The following RTN4RL1 variants were observed in gnomAD, a reference collection of about 807,000 sequenced individuals.
The protein encoded by RTN4RL1 is reticulon 4 receptor like 1, also known as reticulon-4 receptor-like 1.
Under a neutral mutation model 25.6 loss-of-function variants are expected in RTN4RL1, and 7 were observed. That is an observed-to-expected ratio of 0.27 (90% CI 0.16 to 0.51). The LOEUF is 0.51. Ranked by LOEUF, RTN4RL1 falls within the 20% of genes least tolerant of loss-of-function variation. The pLI, the probability that RTN4RL1 is intolerant of heterozygous loss-of-function variation, is 0.97. For synonymous variants in RTN4RL1, 297 were observed against 288.2 expected, an observed-to-expected ratio of 1.03 and a Z score of -0.31; for missense variants, 500 against 615.6, an observed-to-expected ratio of 0.81 and a Z score of 1.99.
chr17:2,004,360 T>C (rs1597238505), intron 1 of RTN4RL1, among the ~76,000 whole-genome samples: 2 of 118,544 alleles, frequency 1.7e-5, no homozygotes, highest in African/African-American at 3.4e-5. Context: ...AGAGCGAGAC[T>C]CTGTCTCAAA....
chr17:2,004,120 G>A (rs2066977299), intron 1 of RTN4RL1, among the ~76,000 whole-genome samples: 1 of 151,582 alleles, frequency 6.6e-6, no homozygotes, highest in Non-Finnish European at 1.5e-5. Context: ...TGTAATCCCA[G>A]CACTTTGGGA....
intron 1 of RTN4RL1, among the ~76,000 whole-genome samples, chr17:1,986,641 G>A (rs145888306): frequency 6.6e-6 from 1 of 151,954 alleles, no homozygotes; most frequent in Non-Finnish European, 1.5e-5. Context: ...GAGCCTTCGT[G>A]GGGTGCACAG....
In RTN4RL1 at chr17:1,936,600, T is replaced by A. The variant is rs1366554333; in HGVS notation, c.1222A>T (p.Thr408Ser). ...PKRKGKCARR[T>S]PIRAPSGVQQ... ...ACCCCGCTGGGGGCACGGATGGGGG[T>A]CCTGCGGGCACACTTGCCCTTCCTC... The change falls in exon 2 of 2, where the codon ACC becomes TCC. Residue 408 changes from threonine to serine, a missense_variant. By Grantham distance (58) the Thr-to-Ser change is moderately conservative. Coordinates refer to ENST00000331238, the MANE Select transcript of RTN4RL1 (RefSeq NM_178568.4). 6.3e-7 allele frequency: 1 copy of A among 1,584,514 alleles called. No individual in the cohort carries two copies. Among genetic ancestry groups the A allele is most frequent in the South Asian group, 1.1e-5 (1 of 87,008 alleles).
At chr17:1,970,769 A>T (rs1189644291) in intron 1 of RTN4RL1, among the ~76,000 whole-genome samples, 1 of 152,136 alleles carries the variant, frequency 6.6e-6, no homozygotes, top group Non-Finnish European at 1.5e-5. Flanking sequence ...CCAGGCTCCT[A>T]CCACCCTGTT....
At chr17:1,973,978 G>T (rs2066831414) in intron 1 of RTN4RL1, among the ~76,000 whole-genome samples, 2 of 146,466 alleles carry the variant, frequency 1.4e-5, no homozygotes, top group African/African-American at 5.1e-5. Context: ...AGCGGAGATT[G>T]CAGTGAGCCG....
In RTN4RL1 at chr17:1,991,458, A is replaced by C. The variant is rs993800621; in HGVS notation, c.13+33395T>G. Among the ~76,000 whole-genome samples the C allele has an allele frequency of 3.3e-4, 48 of 146,188 alleles. 1 individual carries two copies. Among genetic ancestry groups the C allele is most frequent in the African/African-American group, 8.4e-4 (33 of 39,160 alleles). On this transcript the variant is annotated intron_variant, in intron 1 of 1. Coordinates refer to ENST00000331238, the MANE Select transcript of RTN4RL1 (RefSeq NM_178568.4). ...TACATGCACATAGTAAAAAAAAAAA[A>C]AAAAACAAAAAAAAACTTCAAAGAA...
rs551967635 is a variant in RTN4RL1 at position 1,954,508 on chromosome 17, C to T, written c.14-16700G>A. On this transcript the variant is annotated intron_variant, in intron 1 of 1. Transcript: ENST00000331238. Reference sequence around the variant, plus strand: ...GGTTCAAGTCATCTCCTGCCTCAGCCTCCCAAGTAGCTGGGATTACAGGTG... The same window carrying T: ...GGTTCAAGTCATCTCCTGCCTCAGCTTCCCAAGTAGCTGGGATTACAGGTG... Among the ~76,000 whole-genome samples the T allele has an allele frequency of 3.0e-4, 45 of 152,090 alleles. No homozygotes were observed. In the East Asian group the frequency reaches 7.6e-3, roughly 26 times the overall value.
rs148797283 is a variant in RTN4RL1, at chr17:1,938,977, C to T, written c.14-1169G>A. Among the ~76,000 whole-genome samples the T allele has an allele frequency of 8.1e-4, 123 of 151,482 alleles. 1 individual carries two copies. The highest frequency in any genetic ancestry group is 6.7e-3 in the East Asian group (34 of 5,080). The stretch of plus-strand genomic sequence containing the variant: ...AGGAGAATCGTTTGAACCTGGGAGG[C>T]GGAGGTTGCAGTGAGCTGAGATTGC... On this transcript the variant is annotated intron_variant, in intron 1 of 1. Coordinates refer to ENST00000331238, the MANE Select transcript of RTN4RL1 (RefSeq NM_178568.4).
chr17:2,005,519 G>A (rs1476411886), intron 1 of RTN4RL1, among the ~76,000 whole-genome samples: 1 of 152,218 alleles, frequency 6.6e-6, no homozygotes, highest in East Asian at 1.9e-4. Flanking sequence ...CCTTTCCTCT[G>A]ATGAGGAGGA....
intron 1 of RTN4RL1, among the ~76,000 whole-genome samples, chr17:1,940,094 G>A (rs1296175468): frequency 6.6e-6 from 1 of 152,170 alleles, no homozygotes; most frequent in African/African-American, 2.4e-5. Context: ...TCACCCCCTC[G>A]TTCCTGGCAG....
chr17:2,006,783 G>A (rs2066999325), intron 1 of RTN4RL1, among the ~76,000 whole-genome samples: 1 of 152,154 alleles, frequency 6.6e-6, no homozygotes, highest in Non-Finnish European at 1.5e-5. Context: ...ATGATGCCTG[G>A]CTAATTTTTG....
intron 1 of RTN4RL1, among the ~76,000 whole-genome samples, chr17:1,978,340 C>T (rs2066852330): frequency 6.6e-6 from 1 of 152,260 alleles, no homozygotes; most frequent in African/African-American, 2.4e-5. Flanking sequence ...GGACGGGAGG[C>T]ACCTCCCTCT....
rs1915276019 is a variant in RTN4RL1, at chr17:1,935,483, C to A, written c.*1013G>T. On this transcript the variant is annotated 3_prime_UTR_variant, in exon 2 of 2. Transcript: ENST00000331238. Reference sequence around the variant, plus strand: ...CCCAAAGTGACTCTTGCTGCCTCCCCCTTCCTCACCGTCCCGCCGACACCT... The same window carrying A: ...CCCAAAGTGACTCTTGCTGCCTCCCACTTCCTCACCGTCCCGCCGACACCT... 6 of 934,036 alleles carry A rather than the reference C, an allele frequency of 6.4e-6. No homozygotes were observed. The highest frequency in any genetic ancestry group is 7.7e-6 in the Non-Finnish European group (6 of 782,902). 57.9% of individuals were successfully genotyped at this position (934,036 alleles called of 1,614,324 possible).
chr17:1,962,884 G>A (rs1360847121), intron 1 of RTN4RL1, among the ~76,000 whole-genome samples: 7 of 143,230 alleles, frequency 4.9e-5, no homozygotes, highest in African/African-American at 1.5e-4. Flanking sequence ...AAAAAAAAGA[G>A]ATGTGGGAAG....
At chr17:2,019,815 A>C (rs562228662) in intron 1 of RTN4RL1, 11 of 152,354 alleles carry the variant, frequency 7.2e-5, no homozygotes, top group African/African-American at 2.6e-4. Context: ...TAGAAAATGG[A>C]CCTGAACACT....
At chr17:2,014,912 G>T (rs1168999372) in intron 1 of RTN4RL1, among the ~76,000 whole-genome samples, 1 of 152,118 alleles carries the variant, frequency 6.6e-6, no homozygotes, top group Non-Finnish European at 1.5e-5. Flanking sequence ...TCAAAGCAGT[G>T]GGGAGAAAGA....
At chr17:1,961,804 A>ACG (rs2066763441) in intron 1 of RTN4RL1, among the ~76,000 whole-genome samples, 1 of 135,202 alleles carries the variant, frequency 7.4e-6, no homozygotes, top group African/African-American at 2.7e-5. Context: ...AAAAATTAGC[A>ACG]GGGCGTGGTG....
chr17:2,002,534 C>T (rs1046960144), intron 1 of RTN4RL1, among the ~76,000 whole-genome samples: 7 of 151,558 alleles, frequency 4.6e-5, no homozygotes, highest in African/African-American at 7.3e-5. Context: ...CCTCGTGATC[C>T]GCCCACCTCG....
intron 1 of RTN4RL1, among the ~76,000 whole-genome samples, chr17:1,966,396 C>G (rs987472814): frequency 2.6e-5 from 4 of 152,130 alleles, no homozygotes; most frequent in African/African-American, 9.7e-5. Flanking sequence ...GCTGGGCAGG[C>G]AGAAGATGCT....
Sources: gnomAD v4.1 joint callset for allele counts (sites outside exome capture counted in the v4.1 genomes callset) on GRCh38, gnomAD v4.1.1 for gene constraint, MANE v1.5 for transcripts, NCBI Gene and HGNC (gene_info 2026-07-23, HGNC 2026-07-21) for gene names.